Variants in RAD54L2 observed in about 807,000 individuals in gnomAD.
RAD54L2 encodes the protein RAD54 like 2.
A neutral mutation model predicts 138.4 loss-of-function variants in RAD54L2; 27 were observed. That is an observed-to-expected ratio of 0.20 (90% CI 0.14 to 0.27). The LOEUF is 0.27. RAD54L2 is among the 10% of genes least tolerant of loss of function. The pLI, the probability that RAD54L2 is intolerant of heterozygous loss-of-function variation, is 1.00. For synonymous variants in RAD54L2, 644 were observed against 723.2 expected (o/e 0.89, Z 1.76); for missense variants, 1,396 against 1,890.2 (o/e 0.74, Z 4.85).
intron 3 of RAD54L2, among the ~76,000 whole-genome samples, chr3:51,620,374 C>T (rs1000974768): frequency 6.9e-5 from 10 of 145,018 alleles, no homozygotes; most frequent in African/African-American, 2.5e-4. Context: ...GCTGGGATTA[C>T]AGGCGTGATC....
chr3:51,645,670 G>C lies in RAD54L2; in HGVS notation c.2736G>C (p.Lys912Asn). 1 of 1,612,440 alleles carries C rather than the reference G, an allele frequency of 6.2e-7. No individual in the cohort carries two copies. Among genetic ancestry groups the C allele is most frequent in the Non-Finnish European group, 8.5e-7 (1 of 1,179,262 alleles). ...AAAACCTACTGCACTTTGTTGAGAA[G>C]GAGCCAGCTCCCCAAGTTTCCTTGA... ...EVENLLHFVEKEPAPQVSLNV... is the reference protein window; with the variant it reads ...EVENLLHFVENEPAPQVSLNV... Residue 912 changes from lysine (K) to asparagine (N), a missense_variant, in exon 18 of 23, where the codon AAG becomes AAC. Lys to Asn is a moderately conservative substitution (Grantham distance 94, BLOSUM62 0). Transcript: ENST00000684192. This position sits in a 1 kb window ranked among gnomAD's most constrained non-coding sequence, Gnocchi z 6.1.
intron 2 of RAD54L2, among the ~76,000 whole-genome samples, chr3:51,542,802 A>G (rs899605654): frequency 7.2e-5 from 11 of 152,252 alleles, no homozygotes; most frequent in African/African-American, 2.6e-4. Context: ...AGGAGTCCAC[A>G]CTATAAAGTC....
chr3:51,565,661 T>TG (rs1331697453), intron 2 of RAD54L2, among the ~76,000 whole-genome samples: 3 of 152,058 alleles, frequency 2.0e-5, no homozygotes, highest in Non-Finnish European at 4.4e-5. Context: ...TTAGTAGTGA[T>TG]GGGGTTTCAC....
intron 19 of RAD54L2, among the ~76,000 whole-genome samples, 182 bp from the exon 20 acceptor site, chr3:51,655,789 G>A (rs572683331): frequency 6.6e-6 from 1 of 152,312 alleles, no homozygotes; most frequent in East Asian, 1.9e-4. Context: ...CTCTTTTGCT[G>A]CAACTGAGTC....
At chr3:51,621,840 C>A (rs4687592) in intron 3 of RAD54L2, among the ~76,000 whole-genome samples, 1 of 152,168 alleles carries the variant, frequency 6.6e-6, no homozygotes, top group South Asian at 2.1e-4. Flanking sequence ...CAAGTGTAGT[C>A]GGTATGTTGT....
At chr3:51,572,475 G>A (rs182299444) in intron 2 of RAD54L2, among the ~76,000 whole-genome samples, 71 of 148,876 alleles carry the variant, frequency 4.8e-4, no homozygotes, top group African/African-American at 1.6e-3. Context: ...AAAAAAGGCT[G>A]GACATGGTGA....
Position 51,637,240 on chromosome 3 carries a change from C to G in RAD54L2, c.1419C>G (p.Ala473=), listed in dbSNP as rs144719978. ...DEGHRIKNCQ[A]STSQALKNIR... ...GACACCGCATCAAAAACTGCCAGGC[C>G]AGCACCTCACAGGCTCTGAAGAATA... The change falls in exon 11 of 23, where the codon GCC becomes GCG. Residue 473 remains alanine (A), a synonymous_variant. Coordinates refer to ENST00000684192, the MANE Select transcript of RAD54L2 (RefSeq NM_015106.4). This position sits in a 1 kb window ranked among gnomAD's most constrained non-coding sequence, Gnocchi z 5.9. The G allele has an allele frequency of 3.7e-4, 594 of 1,598,482 alleles. 1 individual carries two copies. The African/African-American group carries it at 7.2e-3, about 19-fold the overall frequency.
chr3:51,584,293 T>C (rs776912987), intron 2 of RAD54L2, among the ~76,000 whole-genome samples: 14 of 152,234 alleles, frequency 9.2e-5, no homozygotes, highest in Admixed American at 2.6e-4. Flanking sequence ...GAGTCTTGAA[T>C]GCATTTGTTC....
intron 9 of RAD54L2, among the ~76,000 whole-genome samples, chr3:51,634,358 ATTTTTTTTTT>A (rs61565460): frequency 8.4e-5 from 8 of 94,962 alleles, no homozygotes; most frequent in South Asian, 3.7e-4. Context: ...CCACTGTCTG[ATTTTTTTTTT>A]TTTTTTTTTT....
chr3:51,631,971 C>G (rs71312632), intron 7 of RAD54L2, among the ~76,000 whole-genome samples: 3 of 152,050 alleles, frequency 2.0e-5, no homozygotes, highest in African/African-American at 7.2e-5. Context: ...ACCAACGTCT[C>G]TTCCTCCCCC....
In RAD54L2 at chr3:51,668,652, T is replaced by G. The variant is rs548002365; in HGVS notation, c.*5232T>G. On this transcript the variant is annotated 3_prime_UTR_variant, in exon 23 of 23. Transcript: ENST00000684192. ...ATTTCTCTTTTTGTAAAATAAAATT[T>G]AAACTCAAGAAGGCAGTGTTGTTTG... 1 of 152,388 alleles carries G rather than the reference T, an allele frequency of 6.6e-6. No homozygotes were observed. Among genetic ancestry groups the G allele is most frequent in the African/African-American group, 2.4e-5 (1 of 41,588 alleles). 9.4% of individuals were successfully genotyped at this position (152,388 alleles called of 1,614,324 possible).
In RAD54L2 at chr3:51,632,785, T is replaced by C. The variant is rs189879438; in HGVS notation, c.826-792T>C. Among the ~76,000 whole-genome samples the C allele has an allele frequency of 2.6e-3, 388 of 151,230 alleles. 1 individual carries two copies. Among genetic ancestry groups the C allele is most frequent in the Non-Finnish European group, 4.3e-3 (294 of 67,752 alleles). ...TGCATACCTGTAGTCCCAGCTACTC[T>C]GGAGGCTGAGGCAGGAGAATCACTT... On this transcript the variant is annotated intron_variant, in intron 7 of 22. Transcript: ENST00000684192.
chr3:51,635,131 A>C (rs1427847487), intron 9 of RAD54L2, among the ~76,000 whole-genome samples: 2 of 152,180 alleles, frequency 1.3e-5, no homozygotes, highest in Non-Finnish European at 2.9e-5. Context: ...ACTGAGGGTC[A>C]TCTGGTCTCT....
intron 3 of RAD54L2, among the ~76,000 whole-genome samples, chr3:51,615,869 A>G (rs753050263): frequency 7.1e-4 from 108 of 152,132 alleles, no homozygotes; most frequent in Non-Finnish European, 1.2e-3. Flanking sequence ...GAATATTACA[A>G]TGTTTTTATT....
At chr3:51,624,966 C>T (rs1311824569) in intron 3 of RAD54L2, among the ~76,000 whole-genome samples, 1 of 152,060 alleles carries the variant, frequency 6.6e-6, no homozygotes, top group East Asian at 1.9e-4. Flanking sequence ...AGGATGATGA[C>T]CCATGGTACA....
chr3:51,630,100 A>G (rs374609573), intron 5 of RAD54L2, among the ~76,000 whole-genome samples, 172 bp from the exon 6 acceptor site: 1 of 152,152 alleles, frequency 6.6e-6, no homozygotes, highest in Non-Finnish European at 1.5e-5. Context: ...AAACCAGTAG[A>G]GAAAGGGAAT....
chr3:51,557,267 T>C (rs1698994262), intron 2 of RAD54L2, among the ~76,000 whole-genome samples: 1 of 144,934 alleles, frequency 6.9e-6, no homozygotes, highest in African/African-American at 2.6e-5. Context: ...CACTGTAGCC[T>C]CGACTTCCCA....
chr3:51,625,986 G>A (rs1421941887), intron 3 of RAD54L2, among the ~76,000 whole-genome samples: 1 of 151,990 alleles, frequency 6.6e-6, no homozygotes, highest in Non-Finnish European at 1.5e-5. Flanking sequence ...ATGGGGTCCT[G>A]TAACAGAAAA....
intron 10 of RAD54L2, among the ~76,000 whole-genome samples, chr3:51,636,751 G>A (rs920894102): frequency 1.3e-5 from 2 of 152,148 alleles, no homozygotes; most frequent in Non-Finnish European, 2.9e-5. Context: ...GGCCAACATG[G>A]TGAAACACCA....
Sources: allele counts gnomAD v4.1 joint callset (sites outside exome capture counted in the v4.1 genomes callset), GRCh38; gene constraint gnomAD v4.1.1; non-coding constraint Gnocchi (gnomAD v3.1); transcripts MANE v1.5; gene names NCBI Gene and HGNC (gene_info 2026-07-23, HGNC 2026-07-21).